The following CFTR variants were observed in gnomAD, a reference collection of about 807,000 sequenced individuals.
CFTR encodes the protein cystic fibrosis transmembrane conductance regulator.
A neutral mutation model predicts 171.6 loss-of-function variants in CFTR; 181 were observed. That is an observed-to-expected ratio of 1.05 (90% CI 0.93 to 1.19). CFTR has a LOEUF of 1.19. Among genes scored for constraint, CFTR ranks in the 50% most tolerant of loss-of-function variants. The pLI, the probability that CFTR is intolerant of heterozygous loss-of-function variation, is 0.00. For missense variants in CFTR, 1,968 were observed against 1,734.7 expected (o/e 1.13, Z -2.39); for synonymous variants, 583 against 608.0 (o/e 0.96, Z 0.60).
chr7:117,619,761 G>A (rs544644044), intron 21 of CFTR, among the ~76,000 whole-genome samples: 7 of 152,310 alleles, frequency 4.6e-5, no homozygotes, highest in African/African-American at 1.7e-4. Flanking sequence ...GAGCAGGGAA[G>A]GCAATGAGTC....
At chr7:117,611,865 A>G in intron 20 of CFTR, 57 bp downstream of exon 20, 1 of 1,156,456 alleles carries the variant, frequency 8.6e-7, no homozygotes, top group Non-Finnish European at 1.3e-6. Flanking sequence ...TTCAATGAAT[A>G]AAATGCTGCA....
chr7:117,581,231 T>C (rs1356513427), intron 11 of CFTR, among the ~76,000 whole-genome samples: 2 of 152,164 alleles, frequency 1.3e-5, no homozygotes, highest in Non-Finnish European at 2.9e-5. Flanking sequence ...GCTACATACA[T>C]ACCAACTTCA....
At chr7:117,493,479 G>T (rs1226301153) in intron 1 of CFTR, among the ~76,000 whole-genome samples, 1 of 152,050 alleles carries the variant, frequency 6.6e-6, no homozygotes, top group Non-Finnish European at 1.5e-5. Flanking sequence ...CCTCTGTCTT[G>T]CTCCTTCCTT....
At chr7:117,490,989 G>T (rs993578923) in intron 1 of CFTR, among the ~76,000 whole-genome samples, 6 of 152,160 alleles carry the variant, frequency 3.9e-5, no homozygotes, top group Non-Finnish European at 2.9e-5. Flanking sequence ...ATGGGAATGC[G>T]TTCTGGGTAA....
intron 3 of CFTR, among the ~76,000 whole-genome samples, chr7:117,529,864 G>T (rs1332942769): frequency 2.0e-5 from 3 of 152,072 alleles, no homozygotes; most frequent in Non-Finnish European, 4.4e-5. Context: ...ATTTTAAATG[G>T]AACCAATTAT....
chr7:117,523,559 A>C (rs1798719078), intron 3 of CFTR, among the ~76,000 whole-genome samples: 1 of 152,026 alleles, frequency 6.6e-6, no homozygotes, highest in African/African-American at 2.4e-5. Context: ...TTGTATTTTT[A>C]GTAGAGACGA....
At chr7:117,524,324 A>C (rs188740480) in intron 3 of CFTR, among the ~76,000 whole-genome samples, 85 of 152,014 alleles carry the variant, frequency 5.6e-4, no homozygotes, top group Non-Finnish European at 7.8e-4. Flanking sequence ...TAGATAGCAC[A>C]TGTAAATCCA....
intron 22 of CFTR, among the ~76,000 whole-genome samples, chr7:117,628,734 C>A (rs993729500): frequency 6.6e-6 from 1 of 151,996 alleles, no homozygotes. Flanking sequence ...ACATTTAATG[C>A]ATTGTACAAA....
chr7:117,508,760 T>C (rs1458095827), intron 2 of CFTR, among the ~76,000 whole-genome samples: 1 of 152,250 alleles, frequency 6.6e-6, no homozygotes, highest in Non-Finnish European at 1.5e-5. Flanking sequence ...CTTTTCATTG[T>C]TTTTTAGAAG....
At position 117,612,067 on chromosome 7, in the gene CFTR, AGTATTATCCCTGTTTTCACAG is replaced by A. The variant is rs1363321889; in HGVS notation, c.3367+260_3367+280del. 3.8e-3 allele frequency among the ~76,000 whole-genome samples: 413 copies of A among 107,288 alleles called. 2 individuals are homozygous for A. Among genetic ancestry groups the A allele is most frequent in the Non-Finnish European group, 5.8e-3 (297 of 51,206 alleles). The allele number at this position is 107,288 out of a possible 152,430, so 70.4% of individuals were successfully genotyped here. Reference sequence around the variant, plus strand: ...TATATATATATACATATATATATATAGTATTATCCCTGTTTTCACAGTTTTAAAAACCGATGCACACAGATT... The same window carrying A: ...TATATATATATACATATATATATATATTTTAAAAACCGATGCACACAGATT... On this transcript the variant is annotated intron_variant, in intron 20 of 26. Transcript: ENST00000003084.
chr7:117,610,055 C>T (rs1013867115), intron 18 of CFTR, among the ~76,000 whole-genome samples: 4 of 151,552 alleles, frequency 2.6e-5, no homozygotes, highest in Non-Finnish European at 5.9e-5. Context: ...ACTATGCAGC[C>T]ATAAAAAATG....
chr7:117,514,729 G>A (rs1024323678), intron 3 of CFTR, among the ~76,000 whole-genome samples: 25 of 152,084 alleles, frequency 1.6e-4, no homozygotes, highest in African/African-American at 4.8e-4. Flanking sequence ...TTGAGGAATC[G>A]CCACACTGTC....
chr7:117,603,542 C>T lies in CFTR; in HGVS notation c.2668C>T (p.Gln890Ter), dbSNP rs79633941. Residue 890 changes from glutamine to a stop codon, truncating the protein, a stop_gained, in exon 17 of 27, where the codon CAA becomes TAA. Transcript: ENST00000003084. LOFTEE classifies it high-confidence loss of function. ...CTATTTGCTTTACAGCACTCCTCTT[C>T]AAGACAAAGGGAATAGTACTCATAG... The part of the protein sequence containing the change: ...VLWLLGNTPL[Q>*]DKGNSTHSRN... The T allele has an allele frequency of 5.6e-6, 9 of 1,613,790 alleles. No individual in the cohort carries two copies. The Admixed American group carries it at 1.0e-4, about 18-fold the overall frequency.
chr7:117,523,433 G>A (rs556114360), intron 3 of CFTR, among the ~76,000 whole-genome samples: 1 of 150,794 alleles, frequency 6.6e-6, no homozygotes, highest in East Asian at 2.0e-4. Context: ...CTGAAGTGCA[G>A]TGGCGCGATC....
rs1010103463 is a variant in CFTR, at chr7:117,539,617, A to C, written c.870-483A>C. 2.0e-5 allele frequency among the ~76,000 whole-genome samples: 3 copies of C among 152,232 alleles called. No homozygotes were observed. In the South Asian group the frequency reaches 6.2e-4, roughly 32 times the overall value. On this transcript the variant is annotated intron_variant, in intron 7 of 26. Coordinates refer to ENST00000003084, the MANE Select transcript of CFTR (RefSeq NM_000492.4). ...TCCTCAAAGCCAAGTTAGAATTTCC[A>C]AAGTGTTAAGAATCCATTAGACAAT...
rs372266030 is a variant in CFTR, at chr7:117,603,786, C to T, written c.2908+4C>T. 1.9e-6 allele frequency: 3 copies of T among 1,613,494 alleles called. No homozygotes were observed. The African/African-American group carries it at 4.0e-5, about 22-fold the overall frequency. ...ACCCTCAACACGTTGAAAGCAGGTA[C>T]TTTACTAGGTCTAAGAAATGAAACT... On this transcript the variant is annotated splice_donor_region_variant and intron_variant, in intron 17 of 26. Transcript: ENST00000003084.
At position 117,548,818 on chromosome 7, in the gene CFTR, G is replaced by A. The variant is rs1799216510; in HGVS notation, c.1387G>A (p.Gly463Ser). The A allele has an allele frequency of 6.2e-7, 1 of 1,609,396 alleles. No homozygotes were observed. Among genetic ancestry groups the A allele is most frequent in the Non-Finnish European group, 8.5e-7 (1 of 1,177,316 alleles). ...LLAVAGSTGA[G>S]KTSLLMVIMG... ...GGCGGTTGCTGGATCCACTGGAGCA[G>A]GCAAGGTAGTTCTTTTGTTCTTCAC... Residue 463 changes from glycine to serine, a missense_variant, in exon 10 of 27, where the codon GGC becomes AGC. By Grantham distance (56) the Gly-to-Ser change is moderately conservative. Coordinates refer to ENST00000003084, the MANE Select transcript of CFTR (RefSeq NM_000492.4).
chr7:117,515,004 T>G (rs1338694190), intron 3 of CFTR, among the ~76,000 whole-genome samples: 1 of 152,180 alleles, frequency 6.6e-6, no homozygotes, highest in East Asian at 1.9e-4. Flanking sequence ...TAGGGTTTTT[T>G]TTTTCTTGTG....
intron 11 of CFTR, among the ~76,000 whole-genome samples, chr7:117,566,619 T>A (rs1009154965): frequency 6.6e-6 from 1 of 151,852 alleles, no homozygotes; most frequent in Non-Finnish European, 1.5e-5. Context: ...AAAAAACTAT[T>A]GAACCAGAAC....
Sources: gnomAD v4.1 joint callset for allele counts (sites outside exome capture counted in the v4.1 genomes callset) on GRCh38, gnomAD v4.1.1 for gene constraint, MANE v1.5 for transcripts, NCBI Gene and HGNC (gene_info 2026-07-23, HGNC 2026-07-21) for gene names.